SIPA1L1: variants seen among roughly 807,000 people sequenced by gnomAD.
SIPA1L1 encodes signal-induced proliferation-associated 1-like protein 1.
In SIPA1L1, 26 loss-of-function variants were observed where a neutral mutation model predicts 162.7. That is an observed-to-expected ratio of 0.16 (90% CI 0.12 to 0.22). SIPA1L1 has a LOEUF of 0.22. Ranked by LOEUF, SIPA1L1 falls within the 10% of genes least tolerant of loss-of-function variation. The pLI is 1.00. For missense variants in SIPA1L1, 1,874 were observed against 2,241.0 expected (o/e 0.84, Z 3.31); for synonymous variants, 829 against 837.4 (o/e 0.99, Z 0.17).
chr14:71,513,162 T>G (rs1442095711), intron 3 of SIPA1L1, among the ~76,000 whole-genome samples: 5 of 152,162 alleles, frequency 3.3e-5, no homozygotes, highest in African/African-American at 1.2e-4. Context: ...GTAAATCTTT[T>G]CAAGTATTTT....
chr14:71,356,273 G>T (rs965159528), intron 2 of SIPA1L1, among the ~76,000 whole-genome samples: 1 of 151,958 alleles, frequency 6.6e-6, no homozygotes, highest in Non-Finnish European at 1.5e-5. Flanking sequence ...CAGTAAGGAA[G>T]TAGTGAAAAC....
intron 2 of SIPA1L1, among the ~76,000 whole-genome samples, chr14:71,444,384 C>T (rs1247253109): frequency 2.0e-5 from 3 of 152,056 alleles, no homozygotes; most frequent in Non-Finnish European, 2.9e-5. Flanking sequence ...AAAAGTATTC[C>T]ATTCAGTACT....
intron 2 of SIPA1L1, among the ~76,000 whole-genome samples, chr14:71,384,676 C>T (rs2040176439): frequency 6.6e-6 from 1 of 152,216 alleles, no homozygotes; most frequent in Non-Finnish European, 1.5e-5. Flanking sequence ...AAATACTCAA[C>T]ATGCCTTTTT....
intron 1 of SIPA1L1, 39 bp downstream of exon 1, chr14:71,320,542 G>C (rs1318330986): frequency 1.3e-5 from 2 of 152,534 alleles, no homozygotes; most frequent in Non-Finnish European, 2.9e-5. Context: ...AGGGTCCCCG[G>C]GGAGGGCCAG....
intron 2 of SIPA1L1, among the ~76,000 whole-genome samples, chr14:71,376,342 A>G (rs937528638): frequency 4.7e-5 from 7 of 150,008 alleles, no homozygotes; most frequent in South Asian, 2.1e-4. Context: ...TTCTCTTATA[A>G]TCTTCTTTTT....
At chr14:71,487,907 C>T (rs1223128453) in intron 2 of SIPA1L1, among the ~76,000 whole-genome samples, 4 of 152,206 alleles carry the variant, frequency 2.6e-5, no homozygotes, top group African/African-American at 9.7e-5. Context: ...CAAAAGAGAA[C>T]AAGAGTAGTC....
At chr14:71,709,126 GC>G in intron 16 of SIPA1L1, 95 bp from the exon 17 acceptor site, 1 of 1,032,046 alleles carries the variant, frequency 9.7e-7, no homozygotes, top group Non-Finnish European at 1.4e-6. Context: ...GGCCTTCAGA[GC>G]CCTATAACTA....
At chr14:71,690,492 CCCT>C (rs2081178515) in intron 13 of SIPA1L1, among the ~76,000 whole-genome samples, 1 of 152,150 alleles carries the variant, frequency 6.6e-6, no homozygotes, top group African/African-American at 2.4e-5. Flanking sequence ...AAGTGATCCT[CCCT>C]CCTCAGCCTC....
At chr14:71,693,727 T>C (rs1226468844) in intron 13 of SIPA1L1, among the ~76,000 whole-genome samples, 2 of 151,868 alleles carry the variant, frequency 1.3e-5, no homozygotes, top group East Asian at 1.9e-4. Flanking sequence ...CTTTTCTTTT[T>C]TTTTTTTTTT....
chr14:71,524,322 G>C (rs2145036369), intron 3 of SIPA1L1, among the ~76,000 whole-genome samples: 1 of 152,244 alleles, frequency 6.6e-6, no homozygotes, highest in Middle Eastern at 3.4e-3. Flanking sequence ...GGGTGGTCAT[G>C]TGGTTATGTT....
At chr14:71,329,330 AC>A (rs1205227035) in intron 2 of SIPA1L1, among the ~76,000 whole-genome samples, 1 of 151,202 alleles carries the variant, frequency 6.6e-6, no homozygotes. Flanking sequence ...GAACCTCCAT[AC>A]TGTTTTTCGT....
At chr14:71,385,061 T>A (rs923321347) in intron 2 of SIPA1L1, among the ~76,000 whole-genome samples, 1 of 152,218 alleles carries the variant, frequency 6.6e-6, no homozygotes, top group African/African-American at 2.4e-5. Flanking sequence ...TTAAGACACA[T>A]CTTTCAACAG....
At chr14:71,410,367 G>A (rs1171486419) in intron 2 of SIPA1L1, among the ~76,000 whole-genome samples, 2 of 152,098 alleles carry the variant, frequency 1.3e-5, no homozygotes, top group African/African-American at 4.8e-5. Flanking sequence ...CAGGGTGAGG[G>A]GCATTTGGTA....
At chr14:71,735,416 C>T in intron 22 of SIPA1L1, 25 bp downstream of exon 22, 2 of 1,482,816 alleles carry the variant, frequency 1.3e-6, no homozygotes, top group East Asian at 2.3e-5. Flanking sequence ...AAGGGCAGTA[C>T]TCTGCACCTT....
At chr14:71,381,146 G>A (rs539570626) in intron 2 of SIPA1L1, among the ~76,000 whole-genome samples, 57 of 152,236 alleles carry the variant, frequency 3.7e-4, no homozygotes, top group African/African-American at 1.3e-3. Flanking sequence ...TCCGCCTCCC[G>A]GGTTCAAGTG....
intron 8 of SIPA1L1, among the ~76,000 whole-genome samples, chr14:71,656,815 G>C (rs912445508): frequency 6.6e-6 from 1 of 152,184 alleles, no homozygotes; most frequent in African/African-American, 2.4e-5. Context: ...TAACGGCAGC[G>C]GAGTTACTGC....
intron 3 of SIPA1L1, among the ~76,000 whole-genome samples, chr14:71,521,719 C>T (rs2052373494): frequency 6.6e-6 from 1 of 152,182 alleles, no homozygotes; most frequent in Non-Finnish European, 1.5e-5. Context: ...TGCCTATGTT[C>T]AACTTTAATA....
chr14:71,725,973 C>A (rs1007265969), intron 19 of SIPA1L1, among the ~76,000 whole-genome samples: 1 of 152,162 alleles, frequency 6.6e-6, no homozygotes, highest in African/African-American at 2.4e-5. Context: ...AGAGGCATGG[C>A]GGGTGGAGCA....
At chr14:71,468,689 T>C (rs993726894) in intron 2 of SIPA1L1, among the ~76,000 whole-genome samples, 2 of 152,138 alleles carry the variant, frequency 1.3e-5, no homozygotes, top group African/African-American at 4.8e-5. Context: ...ATCCAAACCA[T>C]GTCACATACA....
Sources: gnomAD v4.1 joint callset for allele counts (sites outside exome capture counted in the v4.1 genomes callset) on GRCh38, gnomAD v4.1.1 for gene constraint, MANE v1.5 for transcripts, NCBI Gene and HGNC (gene_info 2026-07-23, HGNC 2026-07-21) for gene names.